Variants in NDUFS6 observed in about 807,000 individuals in gnomAD.
NDUFS6 encodes NADH:ubiquinone oxidoreductase subunit S6, also known as NADH dehydrogenase [ubiquinone] iron-sulfur protein 6, mitochondrial.
A neutral mutation model predicts 13.2 loss-of-function variants in NDUFS6; 14 were observed. The ratio of observed to expected loss-of-function variants is 1.06; its 90% confidence interval spans 0.70 to 1.66. NDUFS6 has a LOEUF of 1.66. NDUFS6 is among the 40% of genes most tolerant of loss of function. NDUFS6 has a pLI of 0.00. For missense variants in NDUFS6, 206 were observed against 170.8 expected (o/e 1.21, Z -1.15); for synonymous variants, 95 against 72.3 (o/e 1.31, Z -1.60).
Position 1,801,513 on chromosome 5 carries a change from C to G in NDUFS6, c.96C>G (p.Val32=). 6.3e-7 allele frequency: 1 copy of G among 1,598,720 alleles called. No individual in the cohort carries two copies. Among genetic ancestry groups the G allele is most frequent in the Non-Finnish European group, 8.5e-7 (1 of 1,178,032 alleles). Residue 32 remains valine (V), a synonymous_variant, in exon 1 of 4, where the codon GTC becomes GTG. Transcript: ENST00000274137. The stretch of plus-strand genomic sequence containing the variant: ...GCGCCAGGTGTTTCGGGGTGCGGGT[C>G]TCGCCGACCGGGGAGAAGGTCACGC... ...PLGARCFGVR[V]SPTGEKVTHT... is the part of the protein sequence containing the mutation.
At chr5:1,812,774 C>T (rs1453056774) in intron 2 of NDUFS6, among the ~76,000 whole-genome samples, 3 of 151,104 alleles carry the variant, frequency 2.0e-5, no homozygotes, top group Admixed American at 1.3e-4. Flanking sequence ...GTGTGTAGGC[C>T]AGGCTCAGTG....
chr5:1,802,174 T>G (rs1426024620), intron 1 of NDUFS6, 147 bp from the exon 2 acceptor site: 1 of 704,622 alleles, frequency 1.4e-6, no homozygotes, highest in Admixed American at 2.6e-5. Context: ...TGCCCCTGAT[T>G]ACACCGAGTA....
Position 1,801,476 on chromosome 5 carries a change from G to T in NDUFS6, c.59G>T (p.Ser20Ile), listed in dbSNP as rs1339376035. 5 of 1,603,718 alleles carry T rather than the reference G, an allele frequency of 3.1e-6. No homozygotes were observed. Among genetic ancestry groups the T allele is most frequent in the Non-Finnish European group, 4.2e-6 (5 of 1,178,792 alleles). The change falls in exon 1 of 4, where the codon AGC becomes ATC. Residue 20 changes from serine (S) to isoleucine (I), a missense_variant. Coordinates refer to ENST00000274137, the MANE Select transcript of NDUFS6 (RefSeq NM_004553.6). ...AACCGGTGTGGCGAGGCGGCGCGGA[G>T]CCTGCCCCTGGGCGCCAGGTGTTTC... is the stretch of plus-strand genomic sequence containing the variant. ...LLNRCGEAAR[S>I]LPLGARCFGV... is the part of the protein sequence containing the mutation.
At chr5:1,812,168 G>A (rs1734227514) in intron 2 of NDUFS6, among the ~76,000 whole-genome samples, 1 of 152,112 alleles carries the variant, frequency 6.6e-6, no homozygotes, top group Non-Finnish European at 1.5e-5. Flanking sequence ...GTGGAAGGTG[G>A]AAGGACTGGA....
intron 3 of NDUFS6, among the ~76,000 whole-genome samples, chr5:1,815,006 A>G (rs1304376710): frequency 6.6e-6 from 1 of 151,938 alleles, no homozygotes; most frequent in Non-Finnish European, 1.5e-5. Flanking sequence ...ACCTCAGTTT[A>G]CCTTCATCAC....
chr5:1,814,644 C>A lies in NDUFS6; in HGVS notation c.309+183C>A. On this transcript the variant is annotated intron_variant, in intron 3 of 3. Coordinates refer to ENST00000274137, the MANE Select transcript of NDUFS6 (RefSeq NM_004553.6). The surrounding 1 kb of genome is among the most constrained non-coding windows in gnomAD (Gnocchi z 4.9). ...CACTACAGGGCCTACATAGAGCCGC[C>A]TGTCCGAAAACCCCCTTTCAACTGT... The A allele has an allele frequency of 1.1e-6, 1 of 950,524 alleles. No individual in the cohort carries two copies. Among genetic ancestry groups the A allele is most frequent in the Non-Finnish European group, 1.6e-6 (1 of 611,504 alleles). The allele number at this position is 950,524 out of a possible 1,614,324, so 58.9% of individuals were successfully genotyped here.
rs1258241697 is a variant in NDUFS6, at chr5:1,802,330, G to T, written c.142G>T (p.Asp48Tyr). 1.9e-6 allele frequency: 3 copies of T among 1,613,882 alleles called. No individual in the cohort carries two copies. Among genetic ancestry groups the T allele is most frequent in the Non-Finnish European group, 2.5e-6 (3 of 1,179,976 alleles). Residue 48 changes from aspartate (D) to tyrosine (Y), a missense_variant, in exon 2 of 4, where the codon GAT becomes TAT. Physicochemically the swap from Asp to Tyr is radical, Grantham distance 160 (BLOSUM62 -3). Coordinates refer to ENST00000274137, the MANE Select transcript of NDUFS6 (RefSeq NM_004553.6). ...KVTHTGQVYD[D>Y]KDYRRIRFVG... is the part of the protein sequence containing the mutation. ...TTTTGTTTTTTTCCAGGTTTATGAT[G>T]ATAAAGACTACAGGAGAATTCGGTT... is the stretch of plus-strand genomic sequence containing the variant.
At position 1,801,517 on chromosome 5, in the gene NDUFS6, C is replaced by T. The variant is rs1440165027; in HGVS notation, c.100C>T (p.Pro34Ser). 1.3e-6 allele frequency: 2 copies of T among 1,597,070 alleles called. No individual in the cohort carries two copies. Among genetic ancestry groups the T allele is most frequent in the Non-Finnish European group, 1.7e-6 (2 of 1,177,558 alleles). ...GARCFGVRVSPTGEKVTHTGQ... is the reference protein window; with the variant it reads ...GARCFGVRVSSTGEKVTHTGQ... ...CAGGTGTTTCGGGGTGCGGGTCTCG[C>T]CGACCGGGGAGAAGGTCACGCACAC... Residue 34 changes from proline to serine, a missense_variant, in exon 1 of 4, where the codon CCG becomes TCG. Physicochemically the swap from Pro to Ser is moderately conservative, Grantham distance 74. Transcript: ENST00000274137.
At position 1,814,231 on chromosome 5, in the gene NDUFS6, C is replaced by T. The variant is rs985382080; in HGVS notation, c.187-108C>T. The T allele has an allele frequency of 2.7e-5, 39 of 1,432,340 alleles. No individual in the cohort carries two copies. Among genetic ancestry groups the T allele is most frequent in the Non-Finnish European group, 3.7e-5 (38 of 1,018,922 alleles). 88.7% of individuals were successfully genotyped at this position (1,432,340 alleles called of 1,614,324 possible). On this transcript the variant is annotated intron_variant, in intron 2 of 3. Transcript: ENST00000274137. The surrounding 1 kb of genome is among the most constrained non-coding windows in gnomAD (Gnocchi z 4.9). ...AATGATAATAGTTAAATGAAGCATG[C>T]ACCATAGATTCGTGCTGATGGTACA...
intron 2 of NDUFS6, among the ~76,000 whole-genome samples, chr5:1,813,280 A>C (rs1734248764): frequency 6.6e-6 from 1 of 152,160 alleles, no homozygotes; most frequent in African/African-American, 2.4e-5. Context: ...TACTCTCTTA[A>C]AGTGTTGGGA....
chr5:1,801,972 C>G (rs945843020), intron 1 of NDUFS6, among the ~76,000 whole-genome samples: 1 of 152,204 alleles, frequency 6.6e-6, no homozygotes, highest in African/African-American at 2.4e-5. Flanking sequence ...CCTGTGTATA[C>G]TGGAATGTGC....
At chr5:1,808,181 G>A (rs532655618) in intron 2 of NDUFS6, among the ~76,000 whole-genome samples, 66 of 152,272 alleles carry the variant, frequency 4.3e-4, no homozygotes, top group African/African-American at 1.6e-3. Context: ...AAGAGGGGAG[G>A]TTTGCCTGAG....
chr5:1,815,651 C>T (rs1027210996), intron 3 of NDUFS6, among the ~76,000 whole-genome samples, 200 bp from the exon 4 acceptor site: 4 of 152,166 alleles, frequency 2.6e-5, no homozygotes, highest in African/African-American at 7.2e-5. Context: ...GGGATGGCTG[C>T]GTAGCCCGGG....
Position 1,814,437 on chromosome 5 carries a change from C to T in NDUFS6, c.285C>T (p.Gly95=). 1.2e-6 allele frequency: 2 copies of T among 1,614,124 alleles called. No individual in the cohort carries two copies. The highest frequency in any genetic ancestry group is 1.7e-6 in the Non-Finnish European group (2 of 1,180,028). The change falls in exon 3 of 4, where the codon GGC becomes GGT. Residue 95 remains glycine (G), a synonymous_variant. Transcript: ENST00000274137. This position sits in a 1 kb window ranked among gnomAD's most constrained non-coding sequence, Gnocchi z 4.9. Reference sequence around the variant, plus strand: ...GCGATGGCGGCGGGGGAGCTCTTGGCCACCCAAAAGTGTATATAAACTTGG... The same window carrying T: ...GCGATGGCGGCGGGGGAGCTCTTGGTCACCCAAAAGTGTATATAAACTTGG... ...IACDGGGGAL[G]HPKVYINLDK...
At position 1,814,509 on chromosome 5, in the gene NDUFS6, T is replaced by C. The variant is rs1484570161; in HGVS notation, c.309+48T>C. The C allele has an allele frequency of 1.2e-6, 2 of 1,613,750 alleles. No homozygotes were observed. The highest frequency in any genetic ancestry group is 8.5e-7 in the Non-Finnish European group (1 of 1,179,862). On this transcript the variant is annotated intron_variant, in intron 3 of 3. Transcript: ENST00000274137. This position sits in a 1 kb window ranked among gnomAD's most constrained non-coding sequence, Gnocchi z 4.9. ...ACATGTTAGGGCAGCCTGCTCGTCC[T>C]CATACTCCCCTTCACTCCCAGTGCC... is the stretch of plus-strand genomic sequence containing the variant.
At chr5:1,805,947 C>G (rs936879973) in intron 2 of NDUFS6, among the ~76,000 whole-genome samples, 1 of 152,134 alleles carries the variant, frequency 6.6e-6, no homozygotes, top group East Asian at 1.9e-4. Context: ...CTTGTAGGCT[C>G]GTGGGCACTG....
At chr5:1,811,222 GAGTAAATTGT>G (rs1384911840) in intron 2 of NDUFS6, among the ~76,000 whole-genome samples, 1 of 152,218 alleles carries the variant, frequency 6.6e-6, no homozygotes, top group Non-Finnish European at 1.5e-5. Context: ...ATCAGGCTAT[GAGTAAATTGT>G]GGGGGAGTCA....
intron 3 of NDUFS6, among the ~76,000 whole-genome samples, chr5:1,815,444 G>A (rs1168718650): frequency 1.3e-5 from 2 of 152,272 alleles, no homozygotes; most frequent in African/African-American, 4.8e-5. Context: ...AAAGGGGACA[G>A]TGTAACAGGC....
Position 1,814,479 on chromosome 5 carries a change from T to C in NDUFS6, c.309+18T>C. 6.2e-7 allele frequency: 1 copy of C among 1,614,192 alleles called. No homozygotes were observed. On this transcript the variant is annotated intron_variant, in intron 3 of 3. Coordinates refer to ENST00000274137, the MANE Select transcript of NDUFS6 (RefSeq NM_004553.6). The surrounding 1 kb of genome is among the most constrained non-coding windows in gnomAD (Gnocchi z 4.9). Reference sequence around the variant, plus strand: ...TAAACTTGGTGCGTAGCTGGCCACCTGTGCACATGTTAGGGCAGCCTGCTC... The same window carrying C: ...TAAACTTGGTGCGTAGCTGGCCACCCGTGCACATGTTAGGGCAGCCTGCTC...
Sources: gnomAD v4.1 joint callset for allele counts (sites outside exome capture counted in the v4.1 genomes callset) on GRCh38, gnomAD v4.1.1 for gene constraint, Gnocchi (gnomAD v3.1) non-coding constraint, MANE v1.5 for transcripts, NCBI Gene and HGNC (gene_info 2026-07-23, HGNC 2026-07-21) for gene names.